Variants in MYO9A observed in about 807,000 individuals in gnomAD.
The protein encoded by MYO9A is myosin IXA, also known as unconventional myosin-IXa.
MYO9A carries 103 observed loss-of-function variants against 293.3 expected under a neutral mutation model. The observed-to-expected ratio is 0.35, with a 90% CI of 0.30 to 0.41. The LOEUF is 0.41. Ranked by LOEUF, MYO9A falls within the 10% of genes least tolerant of loss-of-function variation. MYO9A has a pLI of 1.00. For missense variants in MYO9A, 2,685 were observed against 3,033.0 expected, an observed-to-expected ratio of 0.89 and a Z score of 2.69; for synonymous variants, 1,001 against 1,035.7, an observed-to-expected ratio of 0.97 and a Z score of 0.64.
intron 2 of MYO9A, 63 bp from the exon 3 acceptor site, chr15:72,032,651 GA>G: frequency 9.5e-7 from 1 of 1,053,948 alleles, no homozygotes; most frequent in African/African-American, 1.6e-5. Context: ...TTGGAGGGGG[GA>G]TTAGGTCAGC....
chr15:72,111,956 G>A (rs977323460), intron 1 of MYO9A, among the ~76,000 whole-genome samples: 5 of 152,032 alleles, frequency 3.3e-5, no homozygotes, highest in East Asian at 3.8e-4. Flanking sequence ...GCTCTCAAAC[G>A]TTAACTGACT....
At chr15:72,078,387 G>C (rs959247618) in intron 1 of MYO9A, among the ~76,000 whole-genome samples, 1 of 151,794 alleles carries the variant, frequency 6.6e-6, no homozygotes, top group African/African-American at 2.4e-5. Context: ...AGCTACTCAG[G>C]AGGCTGAAGT....
intron 2 of MYO9A, chr15:72,036,453 T>G (rs1353353614): frequency 1.3e-5 from 2 of 152,300 alleles, no homozygotes; most frequent in African/African-American, 4.8e-5. Flanking sequence ...AAAAAACAGA[T>G]GAGTCTTGGT....
intron 26 of MYO9A, chr15:71,890,059 C>T (rs1165264555): frequency 6.6e-6 from 1 of 152,210 alleles, no homozygotes; most frequent in Non-Finnish European, 1.5e-5. Flanking sequence ...TATGAATATC[C>T]TCTCCTGACT....
At chr15:71,882,263 G>A (rs1296605145) in intron 28 of MYO9A, among the ~76,000 whole-genome samples, 1 of 152,170 alleles carries the variant, frequency 6.6e-6, no homozygotes, top group African/African-American at 2.4e-5. Flanking sequence ...CACCTTGGAT[G>A]TATATCTCTG....
At chr15:71,954,357 C>T (rs910558950) in intron 14 of MYO9A, among the ~76,000 whole-genome samples, 3 of 152,082 alleles carry the variant, frequency 2.0e-5, no homozygotes, top group Admixed American at 1.3e-4. Context: ...CCAGCCACCA[C>T]GCCTGGCTAA....
intron 19 of MYO9A, among the ~76,000 whole-genome samples, chr15:71,906,225 GC>G (rs945730037): frequency 6.6e-6 from 1 of 152,114 alleles, no homozygotes; most frequent in African/African-American, 2.4e-5. Context: ...AGGTTTTATG[GC>G]CTAGTTTACG....
At position 71,966,265 on chromosome 15, in the gene MYO9A, AGTGTGTGTGTGTGTGT is replaced by A. The variant is rs377708464; in HGVS notation, c.1986+1703_1986+1718del. Reference sequence around the variant, plus strand: ...ATAACGCAGATGAATATCCCAGGCAAGTGTGTGTGTGTGTGTGTGTGTGTGTGTGTGTGTGTGTGTG... The same window carrying A: ...ATAACGCAGATGAATATCCCAGGCAAGTGTGTGTGTGTGTGTGTGTGTGTG... On this transcript the variant is annotated intron_variant, in intron 13 of 41. Transcript: ENST00000356056. Among the ~76,000 whole-genome samples, 85 of 134,954 alleles carry A rather than the reference AGTGTGTGTGTGTGTGT, an allele frequency of 6.3e-4. 2 individuals carry two copies. Among genetic ancestry groups the A allele is most frequent in the South Asian group, 3.7e-3 (14 of 3,808 alleles). 88.5% of individuals were successfully genotyped at this position (134,954 alleles called of 152,430 possible).
chr15:71,917,590 C>T (rs555848846), intron 18 of MYO9A, among the ~76,000 whole-genome samples: 2 of 152,156 alleles, frequency 1.3e-5, no homozygotes, highest in Non-Finnish European at 2.9e-5. Context: ...TCATGATGTA[C>T]TACACTAAAA....
At chr15:71,885,660 G>C (rs188930198) in intron 27 of MYO9A, among the ~76,000 whole-genome samples, 2 of 152,184 alleles carry the variant, frequency 1.3e-5, no homozygotes, top group East Asian at 3.9e-4. Flanking sequence ...ATGTCTTTTG[G>C]TATGGGTCTA....
At chr15:72,085,365 C>T (rs1447921815) in intron 1 of MYO9A, among the ~76,000 whole-genome samples, 4 of 151,446 alleles carry the variant, frequency 2.6e-5, no homozygotes, top group Non-Finnish European at 4.4e-5. Flanking sequence ...TGCACTCCAG[C>T]CTGGCGACAG....
rs559806255 is a variant in MYO9A, at chr15:71,913,417, G to A, written c.2685+2953C>T. ...GAACAACTCCATCTCCTGAGAAAGC[G>A]TCCAGAGACTCTGTCATCACCTTCC... is the stretch of plus-strand genomic sequence containing the variant. On this transcript the variant is annotated intron_variant, in intron 19 of 41. Coordinates refer to ENST00000356056, the MANE Select transcript of MYO9A (RefSeq NM_006901.4). 2.7e-4 allele frequency among the ~76,000 whole-genome samples: 41 copies of A among 152,228 alleles called. 1 individual carries two copies. The South Asian group carries it at 2.7e-3, about 10-fold the overall frequency.
intron 2 of MYO9A, among the ~76,000 whole-genome samples, chr15:72,044,464 T>A (rs940175023): frequency 1.3e-5 from 2 of 152,002 alleles, no homozygotes; most frequent in Non-Finnish European, 1.5e-5. Context: ...ACAGTCATCA[T>A]GAAGTACAAT....
intron 1 of MYO9A, among the ~76,000 whole-genome samples, chr15:72,083,418 G>A (rs1238072553): frequency 6.6e-6 from 1 of 151,862 alleles, no homozygotes; most frequent in East Asian, 1.9e-4. Flanking sequence ...TTTCTTATTA[G>A]TTTAGCAAGC....
intron 5 of MYO9A, 101 bp from the exon 6 acceptor site, chr15:72,019,196 A>T (rs2077428051): frequency 3.1e-6 from 3 of 967,922 alleles, no homozygotes; most frequent in Non-Finnish European, 5.0e-6. Flanking sequence ...CTCTCCATTG[A>T]AAAGTTATTT....
At chr15:72,046,838 T>C (rs1244224287) in intron 1 of MYO9A, among the ~76,000 whole-genome samples, 3 of 152,070 alleles carry the variant, frequency 2.0e-5, no homozygotes, top group Admixed American at 1.3e-4. Context: ...AAATAGTAAC[T>C]TGCCAAAAAA....
chr15:72,024,592 T>G (rs1662215715), intron 4 of MYO9A, among the ~76,000 whole-genome samples: 1 of 152,132 alleles, frequency 6.6e-6, no homozygotes, highest in Admixed American at 6.5e-5. Flanking sequence ...TGTATAACAC[T>G]TTTTTCCTAT....
intron 33 of MYO9A, among the ~76,000 whole-genome samples, chr15:71,861,902 G>A (rs995178958): frequency 3.3e-5 from 5 of 152,252 alleles, no homozygotes; most frequent in African/African-American, 7.2e-5. Context: ...AGGCCAAGGC[G>A]GGAGGATCAT....
rs575792399 is a variant in MYO9A, at chr15:71,854,618, A to ATGC, written c.6154-50_6154-49insGCA. The ATGC allele has an allele frequency of 1.5e-4, 217 of 1,406,712 alleles. No individual in the cohort carries two copies. In the African/African-American group the frequency reaches 2.8e-3, roughly 18 times the overall value. 87.1% of individuals were successfully genotyped at this position (1,406,712 alleles called of 1,614,324 possible). On this transcript the variant is annotated intron_variant, in intron 34 of 41. Coordinates refer to ENST00000356056, the MANE Select transcript of MYO9A (RefSeq NM_006901.4). ...TTCCAAATGCATTCAAACATCTTGA[A>ATGC]ACATGTTTAACCATTTCTTTACCAG...
Sources: allele counts gnomAD v4.1 joint callset (sites outside exome capture counted in the v4.1 genomes callset), GRCh38; gene constraint gnomAD v4.1.1; transcripts MANE v1.5; gene names NCBI Gene and HGNC (gene_info 2026-07-23, HGNC 2026-07-21).